The following CSAD variants were observed in gnomAD, a reference collection of about 807,000 sequenced individuals.
The protein encoded by CSAD is P-selectin cytoplasmic tail-associated protein.
Under a neutral mutation model 61.5 loss-of-function variants are expected in CSAD, and 47 were observed. The observed-to-expected ratio is 0.76, with a 90% CI of 0.60 to 0.97. CSAD has a LOEUF of 0.97. CSAD is among the 50% of genes least tolerant of loss of function. The pLI, the probability that CSAD is intolerant of heterozygous loss-of-function variation, is 0.00. For missense variants in CSAD, 611 were observed against 643.6 expected, an observed-to-expected ratio of 0.95 and a Z score of 0.55; for synonymous variants, 245 against 252.7, an observed-to-expected ratio of 0.97 and a Z score of 0.29.
intron 8 of CSAD, chr12:53,171,097 T>G: frequency 1.5e-6 from 1 of 680,556 alleles, no homozygotes. Context: ...GTAGGAAGAG[T>G]ATGGACTGTG....
intron 2 of CSAD, among the ~76,000 whole-genome samples, chr12:53,176,206 T>C (rs1034979582): frequency 6.6e-6 from 1 of 151,430 alleles, no homozygotes; most frequent in Non-Finnish European, 1.5e-5. Context: ...GGTCAGGAGT[T>C]CGAGACCAGC....
chr12:53,180,743 TG>T lies in CSAD; in HGVS notation c.-103del, dbSNP rs959184429. ...GTTTGTAAACTTGCCTCGGTCCCGG[TG>T]GGGGCAGCCGCGGCGGTGGGGTTGG... On this transcript the variant is annotated 5_prime_UTR_variant, in exon 1 of 17. Transcript: ENST00000444623. The T allele has an allele frequency of 1.6e-5, 20 of 1,264,420 alleles. No homozygotes were observed. In the African/African-American group the frequency reaches 2.8e-4, roughly 18 times the overall value. 78.3% of individuals were successfully genotyped at this position (1,264,420 alleles called of 1,614,324 possible).
At chr12:53,158,804 G>A in intron 16 of CSAD, 120 bp from the exon 17 acceptor site, 6 of 878,172 alleles carry the variant, frequency 6.8e-6, no homozygotes, top group Non-Finnish European at 1.0e-5. Context: ...CCTTCTGGGG[G>A]TAGCACACCT....
Position 53,171,333 on chromosome 12 carries a change from G to C in CSAD, c.560C>G (p.Ser187Trp), listed in dbSNP as rs544766547. The change falls in exon 8 of 17, where the codon TCG becomes TGG. Residue 187 changes from serine (S) to tryptophan (W), a missense_variant. Coordinates refer to ENST00000444623, the MANE Select transcript of CSAD (RefSeq NM_001244705.2). ...RTLPPLALFT[S>W]KECHYSIQKG... The stretch of plus-strand genomic sequence containing the variant: ...CCTGTGCCTCTTCCCCACCTCCTTC[G>C]ATGTGAATAGGGCCAGGGGCGGCAG... The C allele has an allele frequency of 6.2e-7, 1 of 1,614,048 alleles. No homozygotes were observed. The highest frequency in any genetic ancestry group is 1.1e-5 in the South Asian group (1 of 91,088).
At chr12:53,172,302 C>A in intron 6 of CSAD, 44 bp downstream of exon 6, 1 of 1,566,726 alleles carries the variant, frequency 6.4e-7, no homozygotes, top group Non-Finnish European at 8.8e-7. Flanking sequence ...CTCTAGCAAA[C>A]CTAAATCCTT....
At chr12:53,162,522 T>G (rs1008000409) in intron 10 of CSAD, among the ~76,000 whole-genome samples, 1 of 151,986 alleles carries the variant, frequency 6.6e-6, no homozygotes, top group East Asian at 1.9e-4. Flanking sequence ...GAGCCAAGAT[T>G]GTGCCACTGC....
intron 1 of CSAD, chr12:53,179,660 AATCT>A: frequency 1.1e-6 from 1 of 902,652 alleles, no homozygotes. Flanking sequence ...AGGGAAATGA[AATCT>A]GTCTACAAAA....
intron 2 of CSAD, among the ~76,000 whole-genome samples, chr12:53,176,120 G>C (rs886468174): frequency 6.6e-6 from 1 of 152,166 alleles, no homozygotes; most frequent in African/African-American, 2.4e-5. Flanking sequence ...GGGGGTGAGG[G>C]GCGGGCACAG....
chr12:53,181,102 A>G (rs1245823217), upstream of CSAD: 3 of 938,902 alleles, frequency 3.2e-6, no homozygotes, highest in African/African-American at 1.8e-5. Context: ...GCTTCTCGGC[A>G]CTCTCCGGCT....
chr12:53,169,894 C>A (rs1267746113), intron 10 of CSAD, among the ~76,000 whole-genome samples, 178 bp downstream of exon 10: 1 of 152,182 alleles, frequency 6.6e-6, no homozygotes, highest in African/African-American at 2.4e-5. Context: ...GGTGTCTGGG[C>A]AGAGCCCCAG....
At chr12:53,178,556 C>T (rs1454005297) in intron 2 of CSAD, among the ~76,000 whole-genome samples, 1 of 151,964 alleles carries the variant, frequency 6.6e-6, no homozygotes, top group African/African-American at 2.4e-5. Flanking sequence ...CTTTGGGAGG[C>T]CAAGGTGGGT....
At position 53,173,427 on chromosome 12, in the gene CSAD, A is replaced by G. The variant is rs1940833230; in HGVS notation, c.44T>C (p.Val15Ala). Residue 15 changes from valine to alanine, a missense_variant, in exon 4 of 17, where the codon GTG (valine) becomes GCG (alanine). Physicochemically the swap from Val to Ala is moderately conservative, Grantham distance 64. Transcript: ENST00000444623. ...EALPSLAGDPVAVEALLRAVF... is the reference protein window; with the variant it reads ...EALPSLAGDPAAVEALLRAVF... ...GGCCCGGAGCAAGGCTTCCACAGCCACTGGGTCCCCAGCAAGGGAGGGGAG... is the reference window on the plus strand; with the variant it reads ...GGCCCGGAGCAAGGCTTCCACAGCCGCTGGGTCCCCAGCAAGGGAGGGGAG... The G allele has an allele frequency of 6.2e-7, 1 of 1,614,216 alleles. No individual in the cohort carries two copies. The highest frequency in any genetic ancestry group is 1.3e-5 in the African/African-American group (1 of 75,056).
chr12:53,166,891 G>A (rs537374521), intron 10 of CSAD, among the ~76,000 whole-genome samples: 1 of 152,294 alleles, frequency 6.6e-6, no homozygotes, highest in South Asian at 2.1e-4. Flanking sequence ...CTACTGAACT[G>A]TACATGTAAA....
intron 10 of CSAD, among the ~76,000 whole-genome samples, chr12:53,168,189 T>C (rs755977264): frequency 2.0e-5 from 3 of 152,184 alleles, no homozygotes; most frequent in East Asian, 1.9e-4. Flanking sequence ...ACTAAGTAGA[T>C]TACTGGTTGC....
chr12:53,166,789 C>G (rs2121472710), intron 10 of CSAD, among the ~76,000 whole-genome samples: 1 of 152,124 alleles, frequency 6.6e-6, no homozygotes, highest in Non-Finnish European at 1.5e-5. Flanking sequence ...GAGTGATACT[C>G]TGTCTCAGAA....
rs1940572478 is a variant in CSAD at position 53,171,479 on chromosome 12, A to AGT, written c.452-40_452-39dup. The AGT allele has an allele frequency of 2.5e-6, 4 of 1,602,816 alleles. No homozygotes were observed. In the Admixed American group the frequency reaches 6.8e-5, roughly 27 times the overall value. On this transcript the variant is annotated intron_variant, in intron 7 of 16. Coordinates refer to ENST00000444623, the MANE Select transcript of CSAD (RefSeq NM_001244705.2). ...GGGGGCGGTGGCAAGAGGAAGGAGC[A>AGT]GTGGGTCAAGACTGGAGCTTGCCTC...
chr12:53,165,873 T>C (rs1414335763), intron 10 of CSAD, among the ~76,000 whole-genome samples: 1 of 152,074 alleles, frequency 6.6e-6, no homozygotes, highest in Non-Finnish European at 1.5e-5. Flanking sequence ...AAGCAGGGTC[T>C]CAAAGAGATT....
intron 12 of CSAD, 33 bp downstream of exon 12, chr12:53,161,094 G>A: frequency 1.2e-6 from 2 of 1,603,252 alleles, no homozygotes; most frequent in Non-Finnish European, 8.5e-7. Context: ...TGGTTTGAAG[G>A]GCGGGATTTG....
intron 9 of CSAD, 108 bp downstream of exon 9, chr12:53,170,315 G>A: frequency 9.4e-7 from 1 of 1,064,148 alleles, no homozygotes; most frequent in Non-Finnish European, 1.4e-6. Context: ...GAATAGCGAG[G>A]GGAGAGAGGT....
Sources: allele counts gnomAD v4.1 joint callset (sites outside exome capture counted in the v4.1 genomes callset), GRCh38; gene constraint gnomAD v4.1.1; transcripts MANE v1.5; gene names NCBI Gene and HGNC (gene_info 2026-07-23, HGNC 2026-07-21).